DNAJC1: variants seen among roughly 807,000 people sequenced by gnomAD.
DNAJC1 encodes the protein DnaJ heat shock protein family (Hsp40) member C1, also known as dnaJ homolog subfamily C member 1.
A neutral mutation model predicts 76.6 loss-of-function variants in DNAJC1; 58 were observed. The observed-to-expected ratio is 0.76, with a 90% CI of 0.61 to 0.94. The LOEUF (loss-of-function observed/expected upper bound fraction) is 0.94. Ranked by LOEUF, DNAJC1 falls within the 40% of genes least tolerant of loss-of-function variation. The pLI, the probability that DNAJC1 is intolerant of heterozygous loss-of-function variation, is 0.00. For missense variants in DNAJC1, 689 were observed against 677.3 expected (o/e 1.02, Z -0.19); for synonymous variants, 258 against 267.9 (o/e 0.96, Z 0.36).
chr10:21,813,264 G>A (rs1175665750), intron 8 of DNAJC1, among the ~76,000 whole-genome samples: 2 of 112,554 alleles, frequency 1.8e-5, no homozygotes, highest in African/African-American at 6.8e-5. Context: ...CTTCTGCCTT[G>A]CTCTTTCTTG....
At chr10:21,919,784 G>A in intron 5 of DNAJC1, 48 bp downstream of exon 5, 1 of 1,279,102 alleles carries the variant, frequency 7.8e-7, no homozygotes, top group Non-Finnish European at 1.1e-6. Context: ...TATTAAAGAT[G>A]TATTTTAAAA....
chr10:21,837,429 C>T lies in DNAJC1; in HGVS notation c.979-31330G>A, dbSNP rs376749259. On this transcript the variant is annotated intron_variant, in intron 8 of 11. Coordinates refer to ENST00000376980, the MANE Select transcript of DNAJC1 (RefSeq NM_022365.4). ...GCTGCCCAGTCTGGGAAGTGAAGAG[C>T]GCCTCTTCCCGGCCGCCATCCCGTC... Among the ~76,000 whole-genome samples the T allele has an allele frequency of 3.9e-4, 59 of 150,430 alleles. No homozygotes were observed. In the East Asian group the frequency reaches 9.9e-3, roughly 25 times the overall value.
intron 1 of DNAJC1, among the ~76,000 whole-genome samples, chr10:21,939,537 A>G (rs1837368582): frequency 6.6e-6 from 1 of 152,184 alleles, no homozygotes; most frequent in Admixed American, 6.5e-5. Flanking sequence ...TTTTTACTGT[A>G]CCATTTCTAT....
chr10:21,832,634 G>C (rs1330864679), intron 8 of DNAJC1, among the ~76,000 whole-genome samples: 1 of 151,906 alleles, frequency 6.6e-6, no homozygotes, highest in East Asian at 1.9e-4. Context: ...TTCAAGATTT[G>C]TCCAGTCTCT....
At chr10:21,790,010 TAAAAAAAAAAAAAA>T (rs35639440) in intron 9 of DNAJC1, among the ~76,000 whole-genome samples, 1 of 41,064 alleles carries the variant, frequency 2.4e-5, no homozygotes, top group African/African-American at 1.2e-4. Flanking sequence ...GCTCTGTCTT[TAAAAAAAAAAAAAA>T]AAAAAAAAAA....
chr10:21,855,345 T>A (rs1835817664), intron 8 of DNAJC1, among the ~76,000 whole-genome samples: 2 of 152,142 alleles, frequency 1.3e-5, no homozygotes, highest in Non-Finnish European at 1.5e-5. Flanking sequence ...TCTGCAACAG[T>A]TAGAGACAAG....
intron 1 of DNAJC1, among the ~76,000 whole-genome samples, chr10:21,948,725 CAT>C (rs1837547205): frequency 6.6e-6 from 1 of 152,094 alleles, no homozygotes; most frequent in South Asian, 2.1e-4. Context: ...TAGGAAAAAA[CAT>C]AGTTTCAGCC....
chr10:21,857,570 A>T (rs1363752944), intron 8 of DNAJC1, among the ~76,000 whole-genome samples: 1 of 152,162 alleles, frequency 6.6e-6, no homozygotes, highest in East Asian at 1.9e-4. Context: ...AGATAGGAAG[A>T]AAAAAAGGGA....
At chr10:21,791,244 ATAT>A (rs1310574606) in intron 9 of DNAJC1, among the ~76,000 whole-genome samples, 1 of 152,182 alleles carries the variant, frequency 6.6e-6, no homozygotes, top group African/African-American at 2.4e-5. Context: ...ATAAAAGCAA[ATAT>A]TATTAGATCT....
At chr10:21,823,224 A>T (rs1216958608) in intron 8 of DNAJC1, among the ~76,000 whole-genome samples, 2 of 152,226 alleles carry the variant, frequency 1.3e-5, no homozygotes, top group Admixed American at 1.3e-4. Flanking sequence ...TAGATGAATT[A>T]TGAGCTTAAG....
chr10:21,836,158 C>T (rs374995953), intron 8 of DNAJC1, among the ~76,000 whole-genome samples: 80 of 152,250 alleles, frequency 5.3e-4, no homozygotes, highest in African/African-American at 1.5e-3. Flanking sequence ...CAGAAGACAG[C>T]GGGGGCCAAT....
At chr10:21,953,121 CATAT>C (rs1837624680) in intron 1 of DNAJC1, among the ~76,000 whole-genome samples, 1 of 151,960 alleles carries the variant, frequency 6.6e-6, no homozygotes, top group African/African-American at 2.4e-5. Context: ...TACTAAAGAA[CATAT>C]ATATTCTTTA....
intron 10 of DNAJC1, among the ~76,000 whole-genome samples, chr10:21,765,119 G>A (rs1012052084): frequency 3.3e-5 from 5 of 152,116 alleles, no homozygotes; most frequent in African/African-American, 7.2e-5. Context: ...CCATTGCCCC[G>A]TCTCTGCCTC....
chr10:21,925,109 T>A (rs1837105700), intron 3 of DNAJC1, among the ~76,000 whole-genome samples: 2 of 152,036 alleles, frequency 1.3e-5, no homozygotes, highest in African/African-American at 2.4e-5. Flanking sequence ...CACAAGTAGC[T>A]CAAGCAATCC....
In DNAJC1 at chr10:21,893,033, C is replaced by T. The variant is rs139803676; in HGVS notation, c.821-10594G>A. On this transcript the variant is annotated intron_variant, in intron 7 of 11. Transcript: ENST00000376980. The stretch of plus-strand genomic sequence containing the variant: ...CCATCAGCCAACCGGATGTAACTGA[C>T]ATTTATAGAACACTCCAATTCACCA... Among the ~76,000 whole-genome samples, 64 of 152,230 alleles carry T rather than the reference C, an allele frequency of 4.2e-4. 1 individual carries two copies. The highest frequency in any genetic ancestry group is 6.8e-3 in the Middle Eastern group (2 of 294).
At chr10:21,952,677 T>C (rs1377616093) in intron 1 of DNAJC1, among the ~76,000 whole-genome samples, 1 of 152,140 alleles carries the variant, frequency 6.6e-6, no homozygotes, top group Non-Finnish European at 1.5e-5. Flanking sequence ...GAGAATCACT[T>C]GAAACTGGGA....
intron 9 of DNAJC1, among the ~76,000 whole-genome samples, chr10:21,800,134 C>T (rs1346797904): frequency 1.3e-5 from 2 of 152,088 alleles, no homozygotes; most frequent in African/African-American, 4.8e-5. Context: ...ATGATCTTGC[C>T]CCTGTTTTCT....
chr10:21,950,688 A>G (rs1424783039), intron 1 of DNAJC1, among the ~76,000 whole-genome samples: 1 of 152,236 alleles, frequency 6.6e-6, no homozygotes, highest in Non-Finnish European at 1.5e-5. Flanking sequence ...AAGTTCTTGA[A>G]GGAAATTAAG....
intron 9 of DNAJC1, among the ~76,000 whole-genome samples, chr10:21,795,601 T>C (rs2131636823): frequency 6.6e-6 from 1 of 152,272 alleles, no homozygotes; most frequent in South Asian, 2.1e-4. Context: ...GTGATGAAAA[T>C]GTCTAAAACT....
Sources: allele counts gnomAD v4.1 joint callset (sites outside exome capture counted in the v4.1 genomes callset), GRCh38; gene constraint gnomAD v4.1.1; transcripts MANE v1.5; gene names NCBI Gene and HGNC (gene_info 2026-07-23, HGNC 2026-07-21).